ZNF12: variants seen among roughly 807,000 people sequenced by gnomAD.
The protein encoded by ZNF12 is gonadotropin inducible transcription repressor 3.
Under a neutral mutation model 66.6 loss-of-function variants are expected in ZNF12, and 34 were observed. That is an observed-to-expected ratio of 0.51 (90% CI 0.39 to 0.68). The LOEUF is 0.68. ZNF12 is among the 30% of genes least tolerant of loss of function. The probability of loss-of-function intolerance (pLI) is 0.00; values close to 1 mark genes in which losing one functional copy is unlikely to be tolerated. For synonymous variants in ZNF12, 320 were observed against 278.9 expected (o/e 1.15, Z -1.47); for missense variants, 697 against 826.9 (o/e 0.84, Z 1.93).
intron 1 of ZNF12, 102 bp downstream of exon 1, chr7:6,706,330 C>T: frequency 2.2e-6 from 1 of 448,328 alleles, no homozygotes; most frequent in Middle Eastern, 6.9e-4. Context: ...GTCACTCCTG[C>T]AAGCGATCGA....
chr7:6,706,503 C>A lies in ZNF12; in HGVS notation c.-122G>T, dbSNP rs1422295008. Reference sequence around the variant, plus strand: ...GGGCGGGATTGCTGTCGCGGGCGCGCGTCTGCTCGCGAGGTCCCTTCCTGT... The same window carrying A: ...GGGCGGGATTGCTGTCGCGGGCGCGAGTCTGCTCGCGAGGTCCCTTCCTGT... On this transcript the variant is annotated 5_prime_UTR_variant, in exon 1 of 5. Transcript: ENST00000405858. The A allele has an allele frequency of 1.3e-5, 6 of 470,504 alleles. No individual in the cohort carries two copies. The highest frequency in any genetic ancestry group is 2.1e-5 in the Non-Finnish European group (5 of 236,390). The allele number at this position is 470,504 out of a possible 1,614,324, so 29.1% of individuals were successfully genotyped here.
intron 2 of ZNF12, among the ~76,000 whole-genome samples, chr7:6,702,503 C>T (rs1780268585): frequency 1.7e-5 from 1 of 57,986 alleles, no homozygotes; most frequent in African/African-American, 8.6e-5. Context: ...CACACACACA[C>T]ACACAGATTT....
At chr7:6,704,875 G>C (rs1252988632) in intron 2 of ZNF12, among the ~76,000 whole-genome samples, 1 of 151,552 alleles carries the variant, frequency 6.6e-6, no homozygotes, top group African/African-American at 2.4e-5. Flanking sequence ...AAGTGATTCT[G>C]CTTACGGTCA....
At chr7:6,704,994 G>A (rs1780329749) in intron 2 of ZNF12, among the ~76,000 whole-genome samples, 165 bp downstream of exon 2, 1 of 152,178 alleles carries the variant, frequency 6.6e-6, no homozygotes, top group African/African-American at 2.4e-5. Flanking sequence ...CGCTATCTGC[G>A]CATATGAATA....
At chr7:6,700,126 A>T (rs1484697084) in intron 2 of ZNF12, among the ~76,000 whole-genome samples, 1 of 151,646 alleles carries the variant, frequency 6.6e-6, no homozygotes, top group African/African-American at 2.4e-5. Context: ...TCTACTAAAA[A>T]TACAAAAAAT....
intron 2 of ZNF12, chr7:6,704,327 A>C (rs1389567618): frequency 1.3e-5 from 2 of 151,442 alleles, no homozygotes; most frequent in African/African-American, 4.9e-5. Flanking sequence ...AAAAAAAAAA[A>C]GAAAAGAAAA....
chr7:6,705,157 A>C lies in ZNF12; in HGVS notation c.15+2T>G. The C allele has an allele frequency of 6.2e-7, 1 of 1,613,770 alleles. No homozygotes were observed. Among genetic ancestry groups the C allele is most frequent in the Non-Finnish European group, 8.5e-7 (1 of 1,179,734 alleles). ...AATAAATACATGAACAGAAACACTC[A>C]CCAGGGATTTATTCATTTTCTGCTG... On this transcript the variant is annotated splice_donor_variant, in intron 2 of 4. Transcript: ENST00000405858. LOFTEE classifies it high-confidence loss of function. This position sits in a 1 kb window ranked among gnomAD's most constrained non-coding sequence, Gnocchi z 4.0.
In ZNF12 at chr7:6,705,119, A is replaced by C. The variant is rs1267046161; in HGVS notation, c.15+40T>G. 6.2e-7 allele frequency: 1 copy of C among 1,609,222 alleles called. No homozygotes were observed. Among genetic ancestry groups the C allele is most frequent in the Non-Finnish European group, 8.5e-7 (1 of 1,177,262 alleles). On this transcript the variant is annotated intron_variant, in intron 2 of 4. Coordinates refer to ENST00000405858, the MANE Select transcript of ZNF12 (RefSeq NM_016265.4). This position sits in a 1 kb window ranked among gnomAD's most constrained non-coding sequence, Gnocchi z 4.0. ...TAATCTCCTCCTAAGGTGTATTGTA[A>C]ATCAGAGTAGAGAATAAATACATGA...
intron 4 of ZNF12, among the ~76,000 whole-genome samples, chr7:6,695,081 G>T (rs1780134202): frequency 6.6e-6 from 1 of 152,126 alleles, no homozygotes; most frequent in African/African-American, 2.4e-5. Context: ...GCGCCACCAG[G>T]CCTGGCTAAT....
chr7:6,699,742 TG>T (rs1780205703), intron 2 of ZNF12, among the ~76,000 whole-genome samples: 1 of 152,178 alleles, frequency 6.6e-6, no homozygotes, highest in South Asian at 2.1e-4. Flanking sequence ...ACCTGATATC[TG>T]TCAGGATGGT....
chr7:6,695,844 A>C (rs1180868321), intron 4 of ZNF12, among the ~76,000 whole-genome samples: 1 of 152,242 alleles, frequency 6.6e-6, no homozygotes, highest in East Asian at 1.9e-4. Context: ...GGTCAGACTT[A>C]AAGAATGTGT....
At chr7:6,695,469 G>A (rs1259202304) in intron 4 of ZNF12, among the ~76,000 whole-genome samples, 1 of 151,874 alleles carries the variant, frequency 6.6e-6, no homozygotes, top group Non-Finnish European at 1.5e-5. Flanking sequence ...AGCTTCCCAG[G>A]GTTGGGATTA....
chr7:6,700,304 T>TATACACACACACACAC (rs1554294764), intron 2 of ZNF12, among the ~76,000 whole-genome samples: 1 of 129,036 alleles, frequency 7.7e-6, no homozygotes, highest in African/African-American at 3.1e-5. Context: ...AAAAAAAATA[T>TATACACACACACACAC]ACACACACAC....
At position 6,690,888 on chromosome 7, in the gene ZNF12, C is replaced by G; in HGVS notation, c.2054G>C (p.Arg685Thr). 6.2e-7 allele frequency: 1 copy of G among 1,613,750 alleles called. No homozygotes were observed. Among genetic ancestry groups the G allele is most frequent in the Non-Finnish European group, 8.5e-7 (1 of 1,179,826 alleles). ...CACATCTATTACATTCATATTGCCT[C>G]TCCTATGAATTCTCTGATGGCTGTT... ...AFNSHQRIHRRGNMNVIDVGR... is the reference protein window; with the variant it reads ...AFNSHQRIHRTGNMNVIDVGR... Residue 685 changes from arginine to threonine, a missense_variant, in exon 5 of 5, where the codon AGA becomes ACA. This residue lies in a region of ZNF12 where 401 missense variants were observed against 519.0 expected (regional missense o/e 0.77). Transcript: ENST00000405858.
At chr7:6,695,432 G>A (rs988006094) in intron 4 of ZNF12, among the ~76,000 whole-genome samples, 6 of 151,632 alleles carry the variant, frequency 4.0e-5, no homozygotes, top group Admixed American at 3.3e-4. Flanking sequence ...TGTTACCCAG[G>A]CTGGTTGCAA....
In ZNF12 at chr7:6,696,320, A is replaced by T. The variant is rs1399045308; in HGVS notation, c.238+1019T>A. Among the ~76,000 whole-genome samples, 8 of 152,202 alleles carry T rather than the reference A, an allele frequency of 5.3e-5. No homozygotes were observed. The highest frequency in any genetic ancestry group is 1.2e-4 in the Non-Finnish European group (8 of 68,026). On this transcript the variant is annotated intron_variant, in intron 4 of 4. Coordinates refer to ENST00000405858, the MANE Select transcript of ZNF12 (RefSeq NM_016265.4). This position sits in a 1 kb window ranked among gnomAD's most constrained non-coding sequence, Gnocchi z 4.0. ...TTCACAGGGACCACTATAGAAGAAG[A>T]AGAGATTAGTATAGTTTAGTAAATA...
Position 6,691,886 on chromosome 7 carries a change from G to C in ZNF12, c.1056C>G (p.Pro352=), listed in dbSNP as rs993578175. 4.3e-6 allele frequency: 7 copies of C among 1,614,014 alleles called. No individual in the cohort carries two copies. The highest frequency in any genetic ancestry group is 5.9e-6 in the Non-Finnish European group (7 of 1,180,030). ...QHQRTHSGEK[P]YECSYCGKSF... Reference sequence around the variant, plus strand: ...ATTTTCCACAATAACTACATTCATAGGGCTTCTCTCCTGAGTGAGTTCTCT... The same window carrying C: ...ATTTTCCACAATAACTACATTCATACGGCTTCTCTCCTGAGTGAGTTCTCT... Residue 352 remains proline, a synonymous_variant, in exon 5 of 5, where the codon CCC becomes CCG. Transcript: ENST00000405858.
In ZNF12 at chr7:6,697,554, A is replaced by G; in HGVS notation, c.143-120T>C. The G allele has an allele frequency of 6.5e-7, 1 of 1,530,974 alleles. No homozygotes were observed. Among genetic ancestry groups the G allele is most frequent in the Non-Finnish European group, 8.9e-7 (1 of 1,120,316 alleles). 94.8% of individuals were successfully genotyped at this position (1,530,974 alleles called of 1,614,324 possible). On this transcript the variant is annotated intron_variant, in intron 3 of 4. Coordinates refer to ENST00000405858, the MANE Select transcript of ZNF12 (RefSeq NM_016265.4). This position sits in a 1 kb window ranked among gnomAD's most constrained non-coding sequence, Gnocchi z 6.1. ...TCAGAACTTTTCACGGGGGAGATCA[A>G]GACCAAAATGCCCTGCCTGGTGCCC...
Position 6,692,604 on chromosome 7 carries a change from C to G in ZNF12, c.338G>C (p.Arg113Thr), listed in dbSNP as rs757624110. 7 of 1,613,836 alleles carry G rather than the reference C, an allele frequency of 4.3e-6. No individual in the cohort carries two copies. The highest frequency in any genetic ancestry group is 1.3e-5 in the African/African-American group (1 of 75,046). Reference sequence around the variant, plus strand: ...AAAAGTTTTACCAGGAACATTACCTCTCTCTTCAATCAGGGTCTCAATGAA... The same window carrying G: ...AAAAGTTTTACCAGGAACATTACCTGTCTCTTCAATCAGGGTCTCAATGAA... ...TVFIETLIEE[R>T]GNVPGKTFDV... Residue 113 changes from arginine to threonine, a missense_variant, in exon 5 of 5, where the codon AGA (arginine) becomes ACA (threonine). Transcript: ENST00000405858. The surrounding 1 kb of genome is among the most constrained non-coding windows in gnomAD (Gnocchi z 5.1).
Sources: gnomAD v4.1 joint callset for allele counts (sites outside exome capture counted in the v4.1 genomes callset) on GRCh38, gnomAD v4.1.1 for gene constraint, gnomAD v4.1.1 regional missense constraint, Gnocchi (gnomAD v3.1) non-coding constraint, MANE v1.5 for transcripts, NCBI Gene and HGNC (gene_info 2026-07-23, HGNC 2026-07-21) for gene names.